Variants in PREPL observed in about 807,000 individuals in gnomAD.
The protein encoded by PREPL is prolyl endopeptidase-like.
A neutral mutation model predicts 70.6 loss-of-function variants in PREPL; 77 were observed. The observed-to-expected ratio is 1.09, with a 90% confidence interval of 0.91 to 1.32. PREPL has a LOEUF of 1.32. PREPL is among the 40% of genes most tolerant of loss of function. The pLI is 0.00. For synonymous variants in PREPL, 315 were observed against 264.8 expected (o/e 1.19, Z -1.84); for missense variants, 1,002 against 778.2 (o/e 1.29, Z -3.42).
At chr2:44,353,757 A>C (rs1283688025) in intron 1 of PREPL, among the ~76,000 whole-genome samples, 3 of 152,198 alleles carry the variant, frequency 2.0e-5, no homozygotes, top group African/African-American at 7.2e-5. Flanking sequence ...AGACAATTCA[A>C]TGGAAAAAGA....
intron 5 of PREPL, among the ~76,000 whole-genome samples, 162 bp from the exon 6 acceptor site, chr2:44,339,525 A>C (rs1048298749): frequency 6.6e-6 from 1 of 152,248 alleles, no homozygotes; most frequent in Non-Finnish European, 1.5e-5. Flanking sequence ...TTTAACAATT[A>C]GCTATTATTT....
In PREPL at chr2:44,323,272, A is replaced by G. The variant is rs201400293; in HGVS notation, c.1619T>C (p.Ile540Thr). The change falls in exon 11 of 14, where the codon ATT (isoleucine) becomes ACT (threonine). Residue 540 changes from isoleucine to threonine, a missense_variant. Coordinates refer to ENST00000409411, the MANE Select transcript of PREPL (RefSeq NM_001171613.2). ...ATTGTCTTTCACTACCTGAGGTTTA[A>G]TATTTTGATAGGGACAGTAACGTTT... ...YIKRYCPYQN[I>T]KPQHYPSIHI... 78 of 1,598,974 alleles carry G rather than the reference A, an allele frequency of 4.9e-5. No homozygotes were observed. Among genetic ancestry groups the G allele is most frequent in the Admixed American group, 1.7e-4 (10 of 57,460 alleles).
At chr2:44,344,188 A>G (rs995232254) in intron 3 of PREPL, among the ~76,000 whole-genome samples, 2 of 152,188 alleles carry the variant, frequency 1.3e-5, no homozygotes, top group African/African-American at 4.8e-5. Context: ...TGATATTGTT[A>G]TAGTCTAGTT....
chr2:44,333,900 T>C (rs1259465161), intron 7 of PREPL, among the ~76,000 whole-genome samples: 1 of 152,210 alleles, frequency 6.6e-6, no homozygotes, highest in Non-Finnish European at 1.5e-5. Flanking sequence ...ACAAGGTTCC[T>C]TAGCCCATGG....
chr2:44,342,372 G>T (rs760845212), intron 5 of PREPL, 45 bp downstream of exon 5: 1 of 1,507,884 alleles, frequency 6.6e-7, no homozygotes, highest in Non-Finnish European at 9.0e-7. Context: ...TAAATAACTG[G>T]AGGAAGGTTC....
Position 44,346,359 on chromosome 2 carries a change from T to G in PREPL, c.-17A>C, listed in dbSNP as rs978176087. On this transcript the variant is annotated 5_prime_UTR_variant, in exon 2 of 14. Transcript: ENST00000409411. Reference sequence around the variant, plus strand: ...TGCATCCATGTTTTCTGGAAGGGGTTTTTCGTTTTCTTGTTTAACAGGCTG... The same window carrying G: ...TGCATCCATGTTTTCTGGAAGGGGTGTTTCGTTTTCTTGTTTAACAGGCTG... The G allele has an allele frequency of 1.2e-6, 2 of 1,613,010 alleles. No homozygotes were observed. Among genetic ancestry groups the G allele is most frequent in the Non-Finnish European group, 1.7e-6 (2 of 1,179,536 alleles).
chr2:44,342,657 C>T, intron 4 of PREPL, 105 bp from the exon 5 acceptor site: 1 of 875,446 alleles, frequency 1.1e-6, no homozygotes, highest in Non-Finnish European at 1.7e-6. Context: ...AGAACATGTG[C>T]AAGTTTATCC....
intron 7 of PREPL, among the ~76,000 whole-genome samples, chr2:44,335,747 A>G (rs534755302): frequency 2.0e-5 from 3 of 152,252 alleles, no homozygotes; most frequent in East Asian, 3.9e-4. Flanking sequence ...AACAGAGTAA[A>G]TAGACAACCT....
chr2:44,359,254 G>C (rs368994369), intron 1 of PREPL, among the ~76,000 whole-genome samples: 1 of 151,734 alleles, frequency 6.6e-6, no homozygotes, highest in African/African-American at 2.4e-5. Context: ...TTTTAGTAGA[G>C]ACAGGGTTTT....
At chr2:44,344,159 C>T (rs547112009) in intron 3 of PREPL, among the ~76,000 whole-genome samples, 1 of 152,228 alleles carries the variant, frequency 6.6e-6, no homozygotes, top group East Asian at 1.9e-4. Context: ...TTCTGTGCAT[C>T]AACCTATGAG....
chr2:44,326,988 G>A (rs573722808), intron 9 of PREPL, 60 bp from the exon 10 acceptor site: 3 of 1,420,158 alleles, frequency 2.1e-6, no homozygotes, highest in South Asian at 2.4e-5. Flanking sequence ...GTAGGCTGGG[G>A]TCAGCGAACT....
intron 1 of PREPL, among the ~76,000 whole-genome samples, chr2:44,357,858 A>G (rs986817913): frequency 6.6e-6 from 1 of 152,230 alleles, no homozygotes; most frequent in Non-Finnish European, 1.5e-5. Flanking sequence ...AAGATGTACA[A>G]AAAACACAAA....
At chr2:44,344,694 G>T in intron 2 of PREPL, 108 bp from the exon 3 acceptor site, 1 of 738,068 alleles carries the variant, frequency 1.4e-6, no homozygotes, top group Non-Finnish European at 2.1e-6. Flanking sequence ...AAACAGACCT[G>T]TTGAAGTATA....
chr2:44,357,088 G>C (rs898900888), intron 1 of PREPL, among the ~76,000 whole-genome samples: 4 of 152,228 alleles, frequency 2.6e-5, no homozygotes, highest in African/African-American at 9.6e-5. Flanking sequence ...TTACTGGCGT[G>C]AGCCAGTATG....
chr2:44,342,612 A>G, intron 4 of PREPL, 60 bp from the exon 5 acceptor site: 2 of 1,365,290 alleles, frequency 1.5e-6, no homozygotes, highest in Admixed American at 2.2e-5. Flanking sequence ...AAAAAAAAAA[A>G]AAAGCACAGC....
Position 44,344,502 on chromosome 2 carries a change from A to G in PREPL, c.142+18T>C, listed in dbSNP as rs775591873. 1 of 1,538,488 alleles carries G rather than the reference A, an allele frequency of 6.5e-7. No homozygotes were observed. The highest frequency in any genetic ancestry group is 8.8e-7 in the Non-Finnish European group (1 of 1,141,856). On this transcript the variant is annotated intron_variant, in intron 3 of 13. Transcript: ENST00000409411. The stretch of plus-strand genomic sequence containing the variant: ...AATCTGAAAATTAGAGCACGTAAAA[A>G]GAAAAATTGTGGTGTACCTTCTTCA...
chr2:44,326,957 T>C (rs747124567), intron 9 of PREPL, 29 bp from the exon 10 acceptor site: 4 of 1,596,200 alleles, frequency 2.5e-6, no homozygotes, highest in Admixed American at 1.7e-5. Flanking sequence ...AAAGTTTTAG[T>C]GGAAAAAAAA....
intron 1 of PREPL, among the ~76,000 whole-genome samples, chr2:44,359,240 G>A (rs969108360): frequency 2.0e-5 from 3 of 151,694 alleles, no homozygotes; most frequent in Non-Finnish European, 4.4e-5. Context: ...GCTAACTTTT[G>A]TATTTTTAGT....
chr2:44,326,736 C>T lies in PREPL; in HGVS notation c.1455G>A (p.Glu485=), dbSNP rs376716463. The change falls in exon 10 of 14, where the codon GAG becomes GAA. Residue 485 remains glutamate, a synonymous_variant. Transcript: ENST00000409411. ...LAGALCNSNP[E]LVRAVTLEAP... ...CCTCCAAAGTCACCGCTCTCACCAG[C>T]TCTGGATTAGAATTACACAATGCTC... 5.5e-5 allele frequency: 89 copies of T among 1,614,008 alleles called. No homozygotes were observed. Among genetic ancestry groups the T allele is most frequent in the Non-Finnish European group, 7.5e-5 (88 of 1,179,978 alleles).
Sources: gnomAD v4.1 joint callset for allele counts (sites outside exome capture counted in the v4.1 genomes callset) on GRCh38, gnomAD v4.1.1 for gene constraint, MANE v1.5 for transcripts, NCBI Gene and HGNC (gene_info 2026-07-23, HGNC 2026-07-21) for gene names.